Variants in MEGF11 observed in about 807,000 individuals in gnomAD.
The protein encoded by MEGF11 is multiple epidermal growth factor-like domains protein 11.
A neutral mutation model predicts 146.6 loss-of-function variants in MEGF11; 126 were observed. The observed-to-expected ratio is 0.86, with a 90% CI of 0.74 to 1.00. The LOEUF (loss-of-function observed/expected upper bound fraction) is 1.00, where lower values mean the gene tolerates loss of function less well. Among genes scored for constraint, MEGF11 ranks in the 50% least tolerant of loss-of-function variants. The pLI is 0.00. For missense variants in MEGF11, 1,509 were observed against 1,521.2 expected (o/e 0.99, Z 0.13); for synonymous variants, 532 against 583.4 (o/e 0.91, Z 1.27).
chr15:66,102,072 T>G (rs2086833301), intron 4 of MEGF11, among the ~76,000 whole-genome samples: 1 of 151,704 alleles, frequency 6.6e-6, no homozygotes, highest in African/African-American at 2.4e-5. Context: ...GGTTTCCACA[T>G]AAAGCAATCA....
intron 5 of MEGF11, among the ~76,000 whole-genome samples, chr15:66,070,538 C>A (rs557414857): frequency 1.3e-5 from 2 of 152,318 alleles, no homozygotes; most frequent in African/African-American, 4.8e-5. Context: ...GGTCTGTAAC[C>A]CTGTATTCTA....
At chr15:65,944,670 T>G (rs919770538) in intron 10 of MEGF11, among the ~76,000 whole-genome samples, 3 of 152,172 alleles carry the variant, frequency 2.0e-5, no homozygotes, top group African/African-American at 7.2e-5. Context: ...GCCTGGGCCC[T>G]TCCTCTCTGG....
At chr15:65,985,513 A>G (rs922468291) in intron 5 of MEGF11, among the ~76,000 whole-genome samples, 5 of 152,084 alleles carry the variant, frequency 3.3e-5, no homozygotes, top group African/African-American at 1.2e-4. Flanking sequence ...TGTTGGAGCC[A>G]AAAGGCAGTT....
rs1596857859 is a variant in MEGF11, at chr15:65,930,389, G to A, written c.1408+434C>T. The stretch of plus-strand genomic sequence containing the variant: ...CCGGCCCACAGACTGGAGAGCGGGA[G>A]CAGGAGAGACAGGTGTGTCCTCTCC... On this transcript the variant is annotated intron_variant, in intron 11 of 25. Transcript: ENST00000395614. Among the ~76,000 whole-genome samples, 3 of 152,288 alleles carry A rather than the reference G, an allele frequency of 2.0e-5. No individual in the cohort carries two copies. In the East Asian group the frequency reaches 5.8e-4, roughly 29 times the overall value.
At chr15:66,091,808 G>T (rs745574627) in intron 5 of MEGF11, among the ~76,000 whole-genome samples, 7 of 152,192 alleles carry the variant, frequency 4.6e-5, no homozygotes, top group African/African-American at 7.2e-5. Context: ...AGGAATAAAG[G>T]CCACGGCCAA....
At chr15:66,092,958 G>A (rs1285824313) in intron 5 of MEGF11, among the ~76,000 whole-genome samples, 3 of 152,212 alleles carry the variant, frequency 2.0e-5, no homozygotes, top group Non-Finnish European at 4.4e-5. Context: ...GGGAAGCCCA[G>A]ACATTTTACC....
Position 66,107,295 on chromosome 15 carries a change from G to A in MEGF11, c.301+11791C>T, listed in dbSNP as rs543712483. On this transcript the variant is annotated intron_variant, in intron 4 of 25. Transcript: ENST00000395614. ...GGAGGCAGTGGGAGGCTCTGAGCTT[G>A]CATTGTCACCCTCACTGGGGCCACT... Among the ~76,000 whole-genome samples, 14 of 152,358 alleles carry A rather than the reference G, an allele frequency of 9.2e-5. No individual in the cohort carries two copies. The East Asian group carries it at 2.5e-3, about 27-fold the overall frequency.
chr15:66,211,510 T>C lies in MEGF11; in HGVS notation c.-9+42095A>G, dbSNP rs1409618886. Among the ~76,000 whole-genome samples, 9 of 123,254 alleles carry C rather than the reference T, an allele frequency of 7.3e-5. No homozygotes were observed. In the East Asian group the frequency reaches 1.4e-3, roughly 19 times the overall value. 80.9% of individuals were successfully genotyped at this position (123,254 alleles called of 152,430 possible). On this transcript the variant is annotated intron_variant, in intron 1 of 25. Transcript: ENST00000395614. ...CTGCACTCCAGCCTGGGTGACAGAG[T>C]GAGACTCAGTCTCAAAAAAAAAAAA...
At chr15:66,186,921 G>A (rs755338245) in intron 1 of MEGF11, among the ~76,000 whole-genome samples, 1 of 152,212 alleles carries the variant, frequency 6.6e-6, no homozygotes, top group Non-Finnish European at 1.5e-5. Flanking sequence ...CACTGGCTTT[G>A]AAGTGAATCC....
chr15:66,246,284 A>T (rs531817921), intron 1 of MEGF11, among the ~76,000 whole-genome samples: 26 of 151,950 alleles, frequency 1.7e-4, no homozygotes, highest in East Asian at 3.9e-4. Context: ...TTTTTTTTTT[A>T]AAAAAAGCAA....
At position 66,156,911 on chromosome 15, in the gene MEGF11, C is replaced by T. The variant is rs115999904; in HGVS notation, c.-8-28500G>A. Among the ~76,000 whole-genome samples, 816 of 152,238 alleles carry T rather than the reference C, an allele frequency of 5.4e-3. 7 individuals are homozygous for T. Among genetic ancestry groups the T allele is most frequent in the African/African-American group, 0.018 (741 of 41,524 alleles). On this transcript the variant is annotated intron_variant, in intron 1 of 25. Transcript: ENST00000395614. Reference sequence around the variant, plus strand: ...CCAGGCAGAACCCCCTAAACCCCAACCTGTCCCTTCCCACCGGCCTTGGAA... The same window carrying T: ...CCAGGCAGAACCCCCTAAACCCCAATCTGTCCCTTCCCACCGGCCTTGGAA...
chr15:65,974,352 A>G (rs540520662), intron 7 of MEGF11, among the ~76,000 whole-genome samples: 1 of 152,186 alleles, frequency 6.6e-6, no homozygotes, highest in Admixed American at 6.5e-5. Context: ...TGTGTGTGAG[A>G]AAAGGGGAGA....
chr15:65,964,574 C>T (rs2080989428), intron 9 of MEGF11, among the ~76,000 whole-genome samples: 1 of 152,296 alleles, frequency 6.6e-6, no homozygotes, highest in Non-Finnish European at 1.5e-5. Flanking sequence ...CCATCCTAGC[C>T]CCCAGGGTCA....
intron 5 of MEGF11, among the ~76,000 whole-genome samples, chr15:66,021,524 T>C (rs1393771092): frequency 6.6e-6 from 1 of 152,178 alleles, no homozygotes; most frequent in Non-Finnish European, 1.5e-5. Context: ...AAGTCTGAAA[T>C]AGAGGAGAAT....
intron 1 of MEGF11, among the ~76,000 whole-genome samples, chr15:66,165,811 G>A (rs2090082499): frequency 6.6e-6 from 1 of 152,184 alleles, no homozygotes; most frequent in Admixed American, 6.5e-5. Flanking sequence ...TCCGTCCCCT[G>A]TCCCAGTCCT....
At chr15:66,090,407 A>G (rs933416781) in intron 5 of MEGF11, among the ~76,000 whole-genome samples, 1 of 152,240 alleles carries the variant, frequency 6.6e-6, no homozygotes, top group African/African-American at 2.4e-5. Context: ...AGTCCAAAAC[A>G]TGTTTTAAAA....
At position 65,900,957 on chromosome 15, in the gene MEGF11, C is replaced by T. The variant is rs117163534; in HGVS notation, c.3056-2023G>A. Reference sequence around the variant, plus strand: ...TTTATTTCAAATGCTGCACTAGTGCCCTGATTTCACTAAGTTACTTATTTG... The same window carrying T: ...TTTATTTCAAATGCTGCACTAGTGCTCTGATTTCACTAAGTTACTTATTTG... On this transcript the variant is annotated intron_variant, in intron 24 of 25. Transcript: ENST00000395614. 9.0e-3 allele frequency among the ~76,000 whole-genome samples: 1,363 copies of T among 152,192 alleles called. 12 individuals carry two copies. Among genetic ancestry groups the T allele is most frequent in the Admixed American group, 0.018 (279 of 15,296 alleles).
At chr15:65,930,731 G>C (rs1474804404) in intron 11 of MEGF11, 92 bp downstream of exon 11, 1 of 1,443,988 alleles carries the variant, frequency 6.9e-7, no homozygotes, top group Non-Finnish European at 9.2e-7. Context: ...GCGGGGGTTG[G>C]GGCAGCCCCA....
At chr15:66,219,813 G>C (rs570438039) in intron 1 of MEGF11, among the ~76,000 whole-genome samples, 125 of 152,218 alleles carry the variant, frequency 8.2e-4, no homozygotes, top group African/African-American at 2.9e-3. Context: ...AAAGTTTATA[G>C]CAGCCTTATT....
Sources: gnomAD v4.1 joint callset for allele counts (sites outside exome capture counted in the v4.1 genomes callset) on GRCh38, gnomAD v4.1.1 for gene constraint, MANE v1.5 for transcripts, NCBI Gene and HGNC (gene_info 2026-07-23, HGNC 2026-07-21) for gene names.